The following CSNK1G2 variants were observed in gnomAD, a reference collection of about 807,000 sequenced individuals.
The protein encoded by CSNK1G2 is casein kinase I isoform gamma-2.
In CSNK1G2, 11 loss-of-function variants were observed where a neutral mutation model predicts 48.0. The ratio of observed to expected loss-of-function variants is 0.23; its 90% CI spans 0.14 to 0.38. CSNK1G2 has a LOEUF of 0.38. CSNK1G2 is among the 10% of genes least tolerant of loss of function. The pLI, the probability that CSNK1G2 is intolerant of heterozygous loss-of-function variation, is 1.00. For missense variants in CSNK1G2, 446 were observed against 595.5 expected (o/e 0.75, Z 2.61); for synonymous variants, 337 against 254.1 (o/e 1.33, Z -3.10).
At position 1,955,577 on chromosome 19, in the gene CSNK1G2, A is replaced by G. The variant is rs371600557; in HGVS notation, c.-265-13931A>G. Among the ~76,000 whole-genome samples, 38 of 144,696 alleles carry G rather than the reference A, an allele frequency of 2.6e-4. No individual in the cohort carries two copies. The East Asian group carries it at 4.3e-3, about 16-fold the overall frequency. 94.9% of individuals were successfully genotyped at this position (144,696 alleles called of 152,430 possible). On this transcript the variant is annotated intron_variant, in intron 1 of 11. Coordinates refer to ENST00000255641, the MANE Select transcript of CSNK1G2 (RefSeq NM_001319.7). ...GCTCCGCGAGTCGGGGGCAGCGCCC[A>G]GGTCAGGGGCTTCTCCGTCCATGTC...
intron 2 of CSNK1G2, chr19:1,976,110 G>A (rs1170101272): frequency 6.2e-6 from 8 of 1,289,430 alleles, no homozygotes; most frequent in African/African-American, 1.5e-5. Flanking sequence ...TGGACCGTGT[G>A]GCAGGTTTAG....
Position 1,957,148 on chromosome 19 carries a change from G to A in CSNK1G2, c.-265-12360G>A, listed in dbSNP as rs920503563. The stretch of plus-strand genomic sequence containing the variant: ...GCTGTGGAGAGGGCAAGGCAGGGGC[G>A]GCTAGAAAGAAAAGCAACCTGGACG... On this transcript the variant is annotated intron_variant, in intron 1 of 11. Transcript: ENST00000255641. The surrounding 1 kb of genome is among the most constrained non-coding windows in gnomAD (Gnocchi z 5.4). 6.6e-6 allele frequency among the ~76,000 whole-genome samples: 1 copy of A among 152,164 alleles called. No individual in the cohort carries two copies. The highest frequency in any genetic ancestry group is 2.4e-5 in the African/African-American group (1 of 41,428).
intron 1 of CSNK1G2, among the ~76,000 whole-genome samples, chr19:1,956,283 G>T (rs942953746): frequency 6.6e-6 from 1 of 152,198 alleles, no homozygotes; most frequent in Non-Finnish European, 1.5e-5. Context: ...GGGGGTTGGG[G>T]CTTGTCATCT....
In CSNK1G2 at chr19:1,979,848, CG is replaced by C. The variant is rs1352437598; in HGVS notation, c.1086+16del. 1.9e-6 allele frequency: 3 copies of C among 1,601,294 alleles called. No homozygotes were observed. Among genetic ancestry groups the C allele is most frequent in the African/African-American group, 2.7e-5 (2 of 74,498 alleles). On this transcript the variant is annotated intron_variant, in intron 10 of 11. Transcript: ENST00000255641. ...CAGCAAAAACCAGGTGAGGCCCGGG[CG>C]GGACCGACCGCCCCAGGGAGGGGCA...
At chr19:1,958,630 G>A (rs1159128920) in intron 1 of CSNK1G2, among the ~76,000 whole-genome samples, 2 of 67,038 alleles carry the variant, frequency 3.0e-5, no homozygotes, top group Non-Finnish European at 5.4e-5. Flanking sequence ...GGCCGCAGCA[G>A]CTCAGCTCTC....
chr19:1,941,849 C>T (rs1325242156), intron 1 of CSNK1G2, among the ~76,000 whole-genome samples: 1 of 150,298 alleles, frequency 6.7e-6, no homozygotes, highest in Admixed American at 6.6e-5. Context: ...GCCTTTAGTC[C>T]CCACCCCACC....
At chr19:1,955,841 C>T (rs923836509) in intron 1 of CSNK1G2, among the ~76,000 whole-genome samples, 1 of 152,182 alleles carries the variant, frequency 6.6e-6, no homozygotes, top group Non-Finnish European at 1.5e-5. Flanking sequence ...GGTTTGCTCC[C>T]GGCCGGCCCT....
intron 11 of CSNK1G2, 62 bp from the exon 12 acceptor site, chr19:1,980,087 G>A (rs2015928841): frequency 1.2e-6 from 2 of 1,604,212 alleles, no homozygotes; most frequent in South Asian, 2.2e-5. Context: ...GGGAGGGCCT[G>A]AGGCCTGGGC....
rs2015632193 is a variant in CSNK1G2 at position 1,973,149 on chromosome 19, C to G, written c.187+3190C>G. Among the ~76,000 whole-genome samples, 3 of 150,418 alleles carry G rather than the reference C, an allele frequency of 2.0e-5. No homozygotes were observed. The South Asian group carries it at 6.4e-4, about 32-fold the overall frequency. ...TCGCCGTGTTAGCCAGGATGGTCTC[C>G]ATTTCCTGACCTCGTGATCTGCCCG... On this transcript the variant is annotated intron_variant, in intron 2 of 11. Transcript: ENST00000255641.
chr19:1,976,736 G>T (rs2015769322), intron 2 of CSNK1G2, among the ~76,000 whole-genome samples: 1 of 127,588 alleles, frequency 7.8e-6, no homozygotes, highest in South Asian at 2.5e-4. Context: ...CCTCTTTCTT[G>T]CTTTCTTTTT....
chr19:1,966,026 C>T (rs1471814286), intron 1 of CSNK1G2, among the ~76,000 whole-genome samples: 3 of 152,156 alleles, frequency 2.0e-5, no homozygotes, highest in East Asian at 1.9e-4. Flanking sequence ...CTTGAACTCC[C>T]GGCCTCAAGC....
intron 2 of CSNK1G2, among the ~76,000 whole-genome samples, chr19:1,977,703 C>T (rs1421748842): frequency 2.1e-5 from 3 of 145,934 alleles, no homozygotes; most frequent in Non-Finnish European, 4.5e-5. Context: ...CAGTGAACTG[C>T]GATCTCGCCA....
At chr19:1,961,078 A>C (rs975966487) in intron 1 of CSNK1G2, among the ~76,000 whole-genome samples, 2 of 152,210 alleles carry the variant, frequency 1.3e-5, no homozygotes, top group African/African-American at 2.4e-5. Context: ...TCGCCCCCGC[A>C]TGGTGGTCCT....
chr19:1,972,018 C>T (rs2015591327), intron 2 of CSNK1G2, among the ~76,000 whole-genome samples: 1 of 152,202 alleles, frequency 6.6e-6, no homozygotes, highest in Non-Finnish European at 1.5e-5. Context: ...ATCCACCCAC[C>T]TCGGCCTCCC....
intron 1 of CSNK1G2, among the ~76,000 whole-genome samples, chr19:1,967,622 C>T (rs904418816): frequency 2.6e-5 from 4 of 152,072 alleles, no homozygotes; most frequent in African/African-American, 7.2e-5. Context: ...TTGCACCACC[C>T]GAGCGTCCAG....
At chr19:1,968,631 G>A (rs1297170353) in intron 1 of CSNK1G2, among the ~76,000 whole-genome samples, 1 of 152,222 alleles carries the variant, frequency 6.6e-6, no homozygotes, top group Non-Finnish European at 1.5e-5. Context: ...GTGGGCTGGG[G>A]TCCCACCATC....
intron 2 of CSNK1G2, among the ~76,000 whole-genome samples, chr19:1,970,485 C>G (rs1300512486): frequency 6.6e-6 from 1 of 152,248 alleles, no homozygotes; most frequent in Non-Finnish European, 1.5e-5. Flanking sequence ...TCACACCAAC[C>G]TCTCCCGGGT....
chr19:1,976,771 C>T (rs2015771296), intron 2 of CSNK1G2, among the ~76,000 whole-genome samples: 1 of 150,036 alleles, frequency 6.7e-6, no homozygotes, highest in Admixed American at 6.6e-5. Context: ...CAGAGTTTCT[C>T]TCTTGTTGCC....
intron 1 of CSNK1G2, among the ~76,000 whole-genome samples, chr19:1,963,826 T>A (rs2015278987): frequency 6.7e-6 from 1 of 150,366 alleles, no homozygotes; most frequent in Non-Finnish European, 1.5e-5. Context: ...TTTTTTTTTT[T>A]TTTTTTTGGA....
Sources: allele counts gnomAD v4.1 joint callset (sites outside exome capture counted in the v4.1 genomes callset), GRCh38; gene constraint gnomAD v4.1.1; non-coding constraint Gnocchi (gnomAD v3.1); transcripts MANE v1.5; gene names NCBI Gene and HGNC (gene_info 2026-07-23, HGNC 2026-07-21).